Variants in FOXP1 observed in about 807,000 individuals in gnomAD.
The protein encoded by FOXP1 is forkhead box protein P1.
A neutral mutation model predicts 98.2 loss-of-function variants in FOXP1; 15 were observed. The observed-to-expected ratio is 0.15, with a 90% CI of 0.10 to 0.24. The LOEUF (loss-of-function observed/expected upper bound fraction) is 0.24, where lower values mean the gene tolerates loss of function less well. FOXP1 is among the 10% of genes least tolerant of loss of function. The pLI is 1.00. For missense variants in FOXP1, 633 were observed against 848.5 expected (o/e 0.75, Z 3.15); for synonymous variants, 371 against 314.5 (o/e 1.18, Z -1.90).
intron 7 of FOXP1, among the ~76,000 whole-genome samples, chr3:71,063,796 A>G (rs2051895327): frequency 6.6e-6 from 1 of 152,246 alleles, no homozygotes; most frequent in South Asian, 2.1e-4. Context: ...TTGGACAAAA[A>G]TATAAAATTA....
rs1871148 is a variant in FOXP1, at chr3:71,053,393, T to C, written c.420+243A>G. 0.11 allele frequency among the ~76,000 whole-genome samples: 17,369 copies of C among 152,100 alleles called. 3,423 individuals are homozygous for C. Among genetic ancestry groups the C allele is most frequent in the African/African-American group, 0.4 (16,552 of 41,414 alleles). On this transcript the variant is annotated intron_variant, in intron 8 of 20. Transcript: ENST00000649528. ...CTGCTACCAAGTCCAATTACAGCCC[T>C]GATCTCAGTCCATCGGGTACTCTCC...
intron 4 of FOXP1, among the ~76,000 whole-genome samples, chr3:71,307,245 G>A (rs919361814): frequency 1.3e-5 from 2 of 152,162 alleles, no homozygotes; most frequent in African/African-American, 2.4e-5. Flanking sequence ...CACAGCCTTC[G>A]AGAATGCTGT....
intron 2 of FOXP1, chr3:71,572,025 T>G (rs2047379677): frequency 6.6e-6 from 1 of 152,230 alleles, no homozygotes. Flanking sequence ...GAAATCACTT[T>G]CTACACTGAA....
Position 70,956,754 on chromosome 3 carries a change from T to C in FOXP1, c.*2493A>G, listed in dbSNP as rs1222538293. 5.3e-6 allele frequency: 1 copy of C among 190,370 alleles called. No homozygotes were observed. Among genetic ancestry groups the C allele is most frequent in the African/African-American group, 2.8e-5 (1 of 35,732 alleles). 11.8% of individuals were successfully genotyped at this position (190,370 alleles called of 1,614,324 possible). ...AAAGTTTTTTTTTTTTTTTTTTTTT[T>C]TTTTTTTTTTTTTTTTTTTAAAGTC... On this transcript the variant is annotated 3_prime_UTR_variant, in exon 21 of 21. Transcript: ENST00000649528.
intron 3 of FOXP1, among the ~76,000 whole-genome samples, chr3:71,480,459 T>A (rs1003616362): frequency 3.3e-5 from 5 of 152,194 alleles, no homozygotes; most frequent in African/African-American, 1.2e-4. Context: ...GATTTCGAAT[T>A]TAGGAAGTAG....
chr3:71,386,624 T>G (rs1273311577), intron 3 of FOXP1, among the ~76,000 whole-genome samples: 1 of 151,138 alleles, frequency 6.6e-6, no homozygotes, highest in African/African-American at 2.4e-5. Flanking sequence ...ATGCCTGTAG[T>G]CCCAGCTACT....
chr3:71,484,531 A>T (rs966585177), intron 3 of FOXP1, among the ~76,000 whole-genome samples: 1 of 152,234 alleles, frequency 6.6e-6, no homozygotes, highest in Non-Finnish European at 1.5e-5. Flanking sequence ...AGCAGCATAT[A>T]TCTAACATTT....
chr3:71,175,799 C>A (rs1166675682), intron 6 of FOXP1, among the ~76,000 whole-genome samples: 2 of 152,154 alleles, frequency 1.3e-5, no homozygotes, highest in African/African-American at 2.4e-5. Context: ...ACCCTAAGTC[C>A]CATCATACCT....
intron 5 of FOXP1, among the ~76,000 whole-genome samples, chr3:71,284,660 T>C (rs957131012): frequency 2.0e-5 from 3 of 152,226 alleles, no homozygotes; most frequent in African/African-American, 7.2e-5. Flanking sequence ...AGAATAGTTC[T>C]TTAAATTTTA....
At chr3:71,397,069 T>TATATATGTGTATATAC (rs1560425632) in intron 3 of FOXP1, among the ~76,000 whole-genome samples, 1 of 40,676 alleles carries the variant, frequency 2.5e-5, no homozygotes, top group African/African-American at 7.7e-5. Flanking sequence ...TGTGTATATA[T>TATATATGTGTATATAC]ATATACATAT....
intron 5 of FOXP1, among the ~76,000 whole-genome samples, chr3:71,287,199 G>A (rs988576524): frequency 6.6e-6 from 1 of 152,274 alleles, no homozygotes; most frequent in Admixed American, 6.5e-5. Flanking sequence ...GCCAGGCAAG[G>A]TGGGATTACA....
chr3:71,112,462 C>T lies in FOXP1; in HGVS notation c.282+74G>A, dbSNP rs2058021285. ...CTTACATGATTTGCAATGCTCAACA[C>T]AATCCACTCCTGAACTGCTTGTCAC... On this transcript the variant is annotated intron_variant, in intron 7 of 20. Coordinates refer to ENST00000649528, the MANE Select transcript of FOXP1 (RefSeq NM_001349338.3). 6.8e-6 allele frequency: 8 copies of T among 1,180,312 alleles called. No individual in the cohort carries two copies. The South Asian group carries it at 8.5e-5, about 13-fold the overall frequency. The allele number at this position is 1,180,312 out of a possible 1,614,324, so 73.1% of individuals were successfully genotyped here. A position where few individuals can be genotyped will look rare whatever the true frequency, so the allele number is the denominator to read the frequency against.
intron 5 of FOXP1, among the ~76,000 whole-genome samples, chr3:71,264,625 A>G (rs1296809136): frequency 6.6e-6 from 1 of 152,136 alleles, no homozygotes; most frequent in Non-Finnish European, 1.5e-5. Context: ...GCTGAGCACT[A>G]TATTAGAGGG....
At chr3:70,981,654 G>A (rs115640704) in intron 14 of FOXP1, among the ~76,000 whole-genome samples, 1 of 152,342 alleles carries the variant, frequency 6.6e-6, no homozygotes, top group African/African-American at 2.4e-5. Flanking sequence ...TTAAAAGACA[G>A]TTCCTAGAGG....
At chr3:71,248,694 T>C (rs944953142) in intron 5 of FOXP1, among the ~76,000 whole-genome samples, 7 of 150,816 alleles carry the variant, frequency 4.6e-5, no homozygotes, top group Non-Finnish European at 5.9e-5. Flanking sequence ...TGAGCCGAGA[T>C]TGCACCACTG....
At position 71,364,023 on chromosome 3, in the gene FOXP1, A is replaced by C. The variant is rs553963698; in HGVS notation, c.-167-4779T>G. On this transcript the variant is annotated intron_variant, in intron 3 of 20. Coordinates refer to ENST00000649528, the MANE Select transcript of FOXP1 (RefSeq NM_001349338.3). Reference sequence around the variant, plus strand: ...AGCCACCACCGCTCCAGTCCCCCTCAACCAGCACTAACAGTGGGAGGTGCT... The same window carrying C: ...AGCCACCACCGCTCCAGTCCCCCTCCACCAGCACTAACAGTGGGAGGTGCT... 4.6e-5 allele frequency among the ~76,000 whole-genome samples: 7 copies of C among 152,302 alleles called. No homozygotes were observed. In the South Asian group the frequency reaches 1.4e-3, roughly 32 times the overall value.
chr3:71,111,409 T>G (rs913530103), intron 7 of FOXP1, among the ~76,000 whole-genome samples: 2 of 152,196 alleles, frequency 1.3e-5, no homozygotes, highest in African/African-American at 4.8e-5. Flanking sequence ...TTTTTTGTTG[T>G]TTTTTGAGAT....
intron 5 of FOXP1, among the ~76,000 whole-genome samples, chr3:71,296,922 C>T (rs2073359402): frequency 6.6e-6 from 1 of 152,162 alleles, no homozygotes; most frequent in Non-Finnish European, 1.5e-5. Context: ...TGTTCCAAAC[C>T]CCCTTTTGCC....
chr3:71,494,401 GTTTT>G (rs2091267115), intron 2 of FOXP1, among the ~76,000 whole-genome samples: 1 of 152,120 alleles, frequency 6.6e-6, no homozygotes, highest in Non-Finnish European at 1.5e-5. Context: ...TTTTTGTTTT[GTTTT>G]TACCATGATT....
Sources: allele counts gnomAD v4.1 joint callset (sites outside exome capture counted in the v4.1 genomes callset), GRCh38; gene constraint gnomAD v4.1.1; transcripts MANE v1.5; gene names NCBI Gene and HGNC (gene_info 2026-07-23, HGNC 2026-07-21).